ANK1: variants seen among roughly 807,000 people sequenced by gnomAD.
The protein encoded by ANK1 is ankyrin-1.
Under a neutral mutation model 210.4 loss-of-function variants are expected in ANK1, and 51 were observed. The observed-to-expected ratio is 0.24, with a 90% CI of 0.19 to 0.31. ANK1 has a LOEUF of 0.31. Among genes scored for constraint, ANK1 ranks in the 10% least tolerant of loss-of-function variants. The pLI is 1.00. For synonymous variants in ANK1, 967 were observed against 1,025.9 expected, an observed-to-expected ratio of 0.94 and a Z score of 1.10; for missense variants, 2,051 against 2,504.4, an observed-to-expected ratio of 0.82 and a Z score of 3.86.
intron 42 of ANK1, 27 bp downstream of exon 42, chr8:41,661,403 C>T: frequency 2.5e-6 from 4 of 1,612,880 alleles, no homozygotes; most frequent in Non-Finnish European, 3.4e-6. Flanking sequence ...CCAGGCCATG[C>T]AGAGGGGATG....
intron 2 of ANK1, among the ~76,000 whole-genome samples, chr8:41,743,842 G>A (rs559559091): frequency 6.6e-5 from 10 of 152,284 alleles, no homozygotes; most frequent in African/African-American, 2.2e-4. Context: ...AGCTGTAGAC[G>A]TAGTTAGCAG....
At chr8:41,875,222 C>T (rs902568641) in intron 1 of ANK1, among the ~76,000 whole-genome samples, 11 of 152,210 alleles carry the variant, frequency 7.2e-5, no homozygotes, top group Non-Finnish European at 1.6e-4. Flanking sequence ...CTCTTGTCCC[C>T]CACAGGAGAC....
chr8:41,698,493 A>G (rs1430845180), intron 23 of ANK1, among the ~76,000 whole-genome samples: 1 of 152,180 alleles, frequency 6.6e-6, no homozygotes, highest in African/African-American at 2.4e-5. Flanking sequence ...ATTCAAATGG[A>G]GTAAATGGCC....
intron 2 of ANK1, among the ~76,000 whole-genome samples, chr8:41,756,683 T>C (rs10089280): frequency 0.1 from 15,957 of 152,230 alleles, 946 homozygotes; most frequent in South Asian, 0.15. Context: ...GCTCAGGTGA[T>C]CCGCCCACCT....
intron 1 of ANK1, among the ~76,000 whole-genome samples, chr8:41,822,265 C>T (rs1241818199): frequency 6.6e-6 from 1 of 152,124 alleles, no homozygotes; most frequent in Non-Finnish European, 1.5e-5. Flanking sequence ...CTGATTTCAC[C>T]AACATCCCCA....
intron 1 of ANK1, among the ~76,000 whole-genome samples, chr8:41,881,738 G>A (rs1180859876): frequency 6.6e-6 from 1 of 152,158 alleles, no homozygotes; most frequent in Non-Finnish European, 1.5e-5. Flanking sequence ...CCCAGCTCTG[G>A]CTCTCATTAG....
intron 22 of ANK1, among the ~76,000 whole-genome samples, chr8:41,699,946 G>A (rs11990973): frequency 0.042 from 6,424 of 152,310 alleles, 436 homozygotes; most frequent in African/African-American, 0.14. Flanking sequence ...CATTTCAAAG[G>A]GCTGGAGAAT....
intron 39 of ANK1, among the ~76,000 whole-genome samples, chr8:41,666,665 C>A (rs561603914): frequency 6.6e-6 from 1 of 152,240 alleles, no homozygotes; most frequent in South Asian, 2.1e-4. Flanking sequence ...GGGTGCTTTG[C>A]AAACCATCAA....
chr8:41,749,905 C>T (rs945875623), intron 2 of ANK1, among the ~76,000 whole-genome samples: 1 of 152,240 alleles, frequency 6.6e-6, no homozygotes, highest in Non-Finnish European at 1.5e-5. Context: ...AGCCACCACG[C>T]CCAGCCTCAT....
At chr8:41,780,919 G>A (rs2150747118) in intron 1 of ANK1, among the ~76,000 whole-genome samples, 1 of 152,162 alleles carries the variant, frequency 6.6e-6, no homozygotes, top group East Asian at 1.9e-4. Context: ...ACAGGGTTGG[G>A]GGAGAGGATG....
rs141069023 is a variant in ANK1 at position 41,696,698 on chromosome 8, C to T, written c.2713G>A (p.Val905Met). The change falls in exon 25 of 43, where the codon GTG becomes ATG. Residue 905 changes from valine to methionine, a missense_variant. Val to Met is a conservative substitution (Grantham distance 21). This residue lies in a region of ANK1 where 1,413 missense variants were observed against 1,707.4 expected (regional missense o/e 0.83). Coordinates refer to ENST00000289734, the MANE Select transcript of ANK1 (RefSeq NM_000037.4). Reference sequence around the variant, plus strand: ...CACCCTGTATGCACCGGGCTGGCCACCGGGCTGATGTTGTCTGAGGTCTCG... The same window carrying T: ...CACCCTGTATGCACCGGGCTGGCCATCGGGCTGATGTTGTCTGAGGTCTCG... ...ATETSDNISP[V>M]ASPVHTGFLV... 3.5e-4 allele frequency: 564 copies of T among 1,603,386 alleles called. No homozygotes were observed. The highest frequency in any genetic ancestry group is 4.5e-4 in the Non-Finnish European group (531 of 1,179,928).
At chr8:41,785,675 A>C (rs1387638770) in intron 1 of ANK1, among the ~76,000 whole-genome samples, 2 of 152,160 alleles carry the variant, frequency 1.3e-5, no homozygotes, top group African/African-American at 2.4e-5. Context: ...CTCGCTGCGC[A>C]TCCCTGAGGG....
At chr8:41,723,007 G>T in intron 9 of ANK1, 118 bp downstream of exon 9, 1 of 900,046 alleles carries the variant, frequency 1.1e-6, no homozygotes, top group Non-Finnish European at 1.8e-6. Flanking sequence ...AATGTCAAAG[G>T]TGCTATCTCA....
At chr8:41,738,602 GAGA>G (rs1441170401) in intron 2 of ANK1, among the ~76,000 whole-genome samples, 6 of 152,188 alleles carry the variant, frequency 3.9e-5, no homozygotes. Flanking sequence ...TTGCTCAAAT[GAGA>G]AGGAGGAGGA....
intron 1 of ANK1, among the ~76,000 whole-genome samples, chr8:41,855,853 C>T (rs965965525): frequency 6.6e-6 from 1 of 152,070 alleles, no homozygotes; most frequent in African/African-American, 2.4e-5. Flanking sequence ...GGCTCCCTAC[C>T]ATCCAGTTCT....
chr8:41,763,751 T>A (rs1840994023), intron 1 of ANK1, among the ~76,000 whole-genome samples: 1 of 152,156 alleles, frequency 6.6e-6, no homozygotes, highest in African/African-American at 2.4e-5. Context: ...ACCATCTAGT[T>A]CCAGCCCTTC....
At position 41,740,734 on chromosome 8, in the gene ANK1, G is replaced by T. The variant is rs116903591; in HGVS notation, c.130-6665C>A. On this transcript the variant is annotated intron_variant, in intron 2 of 42. Transcript: ENST00000289734. ...TTCAAATTAAGGTTCCTGAGTTGGT[G>T]CAGTGAGTGCTGGATAAGCCAGCTC... is the stretch of plus-strand genomic sequence containing the variant. 2.6e-5 allele frequency among the ~76,000 whole-genome samples: 4 copies of T among 152,342 alleles called. No individual in the cohort carries two copies. The East Asian group carries it at 7.7e-4, about 29-fold the overall frequency.
chr8:41,724,507 G>T lies in ANK1; in HGVS notation c.660C>A (p.Asn220Lys). 1 of 1,602,774 alleles carries T rather than the reference G, an allele frequency of 6.2e-7. No homozygotes were observed. The highest frequency in any genetic ancestry group is 8.5e-7 in the Non-Finnish European group (1 of 1,174,770). ...LHIAAHYENL[N>K]VAQLLLNRGA... ...CTCTGTTGAGGAGCAACTGGGCCAC[G>T]TTGAGGTTCTCGTAGTGAGCCGCAA... Residue 220 changes from asparagine to lysine, a missense_variant, in exon 7 of 43, where the codon AAC (asparagine) becomes AAA (lysine). Around this residue, in one of 6 missense-constraint regions of ANK1, gnomAD observed 1,413 missense variants for 1,707.4 expected, o/e 0.83. Coordinates refer to ENST00000289734, the MANE Select transcript of ANK1 (RefSeq NM_000037.4).
chr8:41,803,080 G>GAAAGGA (rs1220108739), intron 1 of ANK1, among the ~76,000 whole-genome samples: 1 of 46,180 alleles, frequency 2.2e-5, no homozygotes, highest in African/African-American at 1.2e-4. Flanking sequence ...AGGAAGGAAG[G>GAAAGGA]AAGGGAAGGA....
Sources: gnomAD v4.1 joint callset for allele counts (sites outside exome capture counted in the v4.1 genomes callset) on GRCh38, gnomAD v4.1.1 for gene constraint, gnomAD v4.1.1 regional missense constraint, MANE v1.5 for transcripts, NCBI Gene and HGNC (gene_info 2026-07-23, HGNC 2026-07-21) for gene names.